The following DPP10 variants were observed in gnomAD, a reference collection of about 807,000 sequenced individuals.
The protein encoded by DPP10 is dipeptidyl peptidase like 10, also known as inactive dipeptidyl peptidase 10.
Under a neutral mutation model 120.9 loss-of-function variants are expected in DPP10, and 33 were observed. That is an observed-to-expected ratio of 0.27 (90% CI 0.21 to 0.37). The LOEUF is 0.37. Among genes scored for constraint, DPP10 ranks in the 10% least tolerant of loss-of-function variants. DPP10 has a pLI of 1.00. For missense variants in DPP10, 816 were observed against 942.8 expected (o/e 0.87, Z 1.76); for synonymous variants, 337 against 326.1 (o/e 1.03, Z -0.36).
At chr2:115,171,921 A>G (rs2053374136) in intron 1 of DPP10, among the ~76,000 whole-genome samples, 2 of 152,182 alleles carry the variant, frequency 1.3e-5, no homozygotes, top group African/African-American at 2.4e-5. Context: ...ACGCAAAGCC[A>G]TAATGCCATT....
intron 12 of DPP10, 120 bp downstream of exon 12, chr2:115,762,730 A>C (rs1256329968): frequency 4.5e-6 from 5 of 1,105,518 alleles, no homozygotes; most frequent in Non-Finnish European, 6.6e-6. Flanking sequence ...TGACAGAGTG[A>C]TCCTTTTTCA....
At chr2:115,638,515 G>C (rs1002932819) in intron 5 of DPP10, among the ~76,000 whole-genome samples, 1 of 152,102 alleles carries the variant, frequency 6.6e-6, no homozygotes, top group Non-Finnish European at 1.5e-5. Flanking sequence ...TTGAATTCTA[G>C]GTCAAAATGT....
chr2:115,010,506 A>T (rs969086116), intron 1 of DPP10, among the ~76,000 whole-genome samples: 1 of 152,156 alleles, frequency 6.6e-6, no homozygotes, highest in Non-Finnish European at 1.5e-5. Context: ...ATATGAATGA[A>T]TGGAAAATTA....
At chr2:115,036,313 G>GGGGATTACA (rs1704224907) in intron 1 of DPP10, among the ~76,000 whole-genome samples, 2 of 152,162 alleles carry the variant, frequency 1.3e-5, no homozygotes, top group Admixed American at 6.5e-5. Flanking sequence ...TGGGGATTAT[G>GGGGATTACA]GGGATTACAA....
intron 1 of DPP10, among the ~76,000 whole-genome samples, chr2:114,488,990 G>A (rs1465130567): frequency 6.6e-6 from 1 of 152,224 alleles, no homozygotes; most frequent in East Asian, 1.9e-4. Flanking sequence ...CTCTGCCAGA[G>A]AGAACATTTG....
intron 1 of DPP10, among the ~76,000 whole-genome samples, chr2:115,189,993 T>C (rs2054752043): frequency 6.6e-6 from 1 of 152,140 alleles, no homozygotes; most frequent in Admixed American, 6.5e-5. Context: ...TGGTATTGTT[T>C]GGATGAAGGT....
chr2:115,432,659 T>TTGTGTG (rs59844767), intron 3 of DPP10, among the ~76,000 whole-genome samples: 14,167 of 137,488 alleles, frequency 0.1, 833 homozygotes, highest in African/African-American at 0.12. Flanking sequence ...ATAGGCAATT[T>TTGTGTG]TGTGTGTGTG....
At chr2:114,448,182 A>G (rs1214704956) in intron 1 of DPP10, among the ~76,000 whole-genome samples, 1 of 152,210 alleles carries the variant, frequency 6.6e-6, no homozygotes, top group African/African-American at 2.4e-5. Flanking sequence ...TCTTCATAAA[A>G]TCAAAAGTTT....
At chr2:115,215,059 T>C (rs2056738560) in intron 1 of DPP10, among the ~76,000 whole-genome samples, 1 of 152,206 alleles carries the variant, frequency 6.6e-6, no homozygotes, top group East Asian at 1.9e-4. Flanking sequence ...TTTAAATCTG[T>C]ATTTTTACTT....
At chr2:115,291,433 T>C (rs1475938828) in intron 1 of DPP10, among the ~76,000 whole-genome samples, 2 of 152,112 alleles carry the variant, frequency 1.3e-5, no homozygotes, top group African/African-American at 2.4e-5. Flanking sequence ...ACATAACATA[T>C]TGAATTTTCC....
chr2:114,479,667 G>C (rs113847138), intron 1 of DPP10, among the ~76,000 whole-genome samples: 1 of 152,260 alleles, frequency 6.6e-6, no homozygotes, highest in African/African-American at 2.4e-5. Context: ...GCCATATATA[G>C]AAAGCTGAAA....
chr2:114,759,848 T>G (rs955508400), intron 1 of DPP10, among the ~76,000 whole-genome samples: 4 of 151,976 alleles, frequency 2.6e-5, no homozygotes, highest in Non-Finnish European at 5.9e-5. Context: ...GATGTCCAAG[T>G]GCCAGGCCAA....
intron 3 of DPP10, among the ~76,000 whole-genome samples, chr2:115,492,334 A>G (rs539451389): frequency 3.3e-5 from 5 of 152,308 alleles, no homozygotes; most frequent in Admixed American, 2.6e-4. Context: ...AGAAAAGCAA[A>G]GAAGAGTTGC....
chr2:115,442,603 A>G (rs577534607), intron 3 of DPP10, among the ~76,000 whole-genome samples: 3 of 152,302 alleles, frequency 2.0e-5, no homozygotes, highest in Admixed American at 1.3e-4. Context: ...AAGGAAAGAC[A>G]GTCGAACAAG....
At chr2:115,148,434 G>A (rs1039996086) in intron 1 of DPP10, among the ~76,000 whole-genome samples, 8 of 152,150 alleles carry the variant, frequency 5.3e-5, no homozygotes, top group Admixed American at 2.0e-4. Context: ...ACTCTGAGGA[G>A]GTCTAAAAGA....
chr2:114,802,379 G>C (rs1271128067), intron 1 of DPP10, among the ~76,000 whole-genome samples: 2 of 152,006 alleles, frequency 1.3e-5, no homozygotes, highest in African/African-American at 2.4e-5. Flanking sequence ...ACTAAATATA[G>C]CCTGGCATTC....
At chr2:115,471,480 T>C (rs1382881319) in intron 3 of DPP10, among the ~76,000 whole-genome samples, 1 of 152,150 alleles carries the variant, frequency 6.6e-6, no homozygotes, top group Non-Finnish European at 1.5e-5. Context: ...TGCTCTCTGG[T>C]CTCTCCTTCC....
intron 12 of DPP10, among the ~76,000 whole-genome samples, chr2:115,768,059 C>T (rs985538172): frequency 1.3e-5 from 2 of 152,118 alleles, no homozygotes; most frequent in Admixed American, 6.6e-5. Context: ...TTCATATCCA[C>T]CATGCACAAA....
intron 1 of DPP10, among the ~76,000 whole-genome samples, chr2:115,218,300 G>T (rs1332072788): frequency 6.6e-6 from 1 of 152,054 alleles, no homozygotes; most frequent in African/African-American, 2.4e-5. Flanking sequence ...AAGAAACAAC[G>T]ATTTGATTCT....
Sources: gnomAD v4.1 joint callset for allele counts (sites outside exome capture counted in the v4.1 genomes callset) on GRCh38, gnomAD v4.1.1 for gene constraint, MANE v1.5 for transcripts, NCBI Gene and HGNC (gene_info 2026-07-23, HGNC 2026-07-21) for gene names.